The following ARL10 variants were observed in gnomAD, a reference collection of about 807,000 sequenced individuals.
ARL10 encodes the protein ADP-ribosylation factor-like protein 10.
A neutral mutation model predicts 26.1 loss-of-function variants in ARL10; 23 were observed. The ratio of observed to expected loss-of-function variants is 0.88; its 90% CI spans 0.63 to 1.25. ARL10 has a LOEUF of 1.25. Ranked by LOEUF, ARL10 falls within the 50% of genes most tolerant of loss-of-function variation. ARL10 has a pLI of 0.00. For missense variants in ARL10, 300 were observed against 323.6 expected (o/e 0.93, Z 0.56); for synonymous variants, 138 against 149.1 (o/e 0.93, Z 0.54).
At chr5:176,384,826 G>A (rs76876948), downstream of ARL10, 1,433 of 426,724 alleles carry the variant, frequency 3.4e-3, 2 homozygotes, top group Non-Finnish European at 5.2e-3. Context: ...GCTGGGGCCA[G>A]CTGAGGAGCT....
At position 176,371,844 on chromosome 5, in the gene ARL10, A is replaced by G. The variant is rs1055955518; in HGVS notation, c.684A>G (p.Glu228=). The G allele has an allele frequency of 1.2e-6, 2 of 1,614,066 alleles. No homozygotes were observed. Among genetic ancestry groups the G allele is most frequent in the African/African-American group, 2.7e-5 (2 of 74,924 alleles). ...TTGCCCCTGCAGGACCCACCTTTGA[A>G]GAGCCTGGCACCGTGCACATCTGGA... The part of the protein sequence containing the change: ...ASIAPAGPTF[E]EPGTVHIWKL... Residue 228 remains glutamate, a synonymous_variant, in exon 4 of 4, where the codon GAA becomes GAG. Coordinates refer to ENST00000310389, the MANE Select transcript of ARL10 (RefSeq NM_173664.6).
chr5:176,388,115 A>G (rs1756032341), intron 1 of ARL10: 3 of 697,702 alleles, frequency 4.3e-6, no homozygotes, highest in African/African-American at 3.6e-5. Flanking sequence ...GACTGTGGGG[A>G]GGTCGAAAAC....
chr5:176,410,907 T>C, the ARL10 span, among the ~76,000 whole-genome samples: 2 of 152,234 alleles, frequency 1.3e-5, no homozygotes, highest in African/African-American at 4.8e-5. Context: ...GACTCCTCCC[T>C]GTCCCTTTCC....
downstream of ARL10, among the ~76,000 whole-genome samples, chr5:176,382,271 C>T (rs1427731330): frequency 6.6e-6 from 1 of 152,224 alleles, no homozygotes; most frequent in Non-Finnish European, 1.5e-5. Flanking sequence ...AGTCCAGTTA[C>T]CTGGAGCTGC....
At chr5:176,367,002 CTTTTTTTTTTTT>C (rs67066126) in intron 2 of ARL10, among the ~76,000 whole-genome samples, 1 of 106,522 alleles carries the variant, frequency 9.4e-6, no homozygotes, top group Non-Finnish European at 1.8e-5. Flanking sequence ...CCTTTCTAGT[CTTTTTTTTTTTT>C]TTTTTTTTTT....
At chr5:176,411,980 T>C in the ARL10 span, among the ~76,000 whole-genome samples, 6 of 152,018 alleles carry the variant, frequency 3.9e-5, no homozygotes, top group East Asian at 5.8e-4. Context: ...ATCGAGACCA[T>C]CCTGGCTAAC....
At chr5:176,389,405 C>A, downstream of ARL10, 1 of 1,614,190 alleles carries the variant, frequency 6.2e-7, no homozygotes, top group East Asian at 2.2e-5. Flanking sequence ...GCGCTCTCAG[C>A]TCATGATGCG....
In ARL10 at chr5:176,378,058, G is replaced by A. The variant is rs147566576; in HGVS notation, c.*6163G>A. On this transcript the variant is annotated 3_prime_UTR_variant, in exon 4 of 4. Coordinates refer to ENST00000310389, the MANE Select transcript of ARL10 (RefSeq NM_173664.6). ...GTTATAGGGAAGAGCCACCGTGCCT[G>A]GCCAAGTGCAAAGCTTTTAACAATA... 1,011 of 152,378 alleles carry A rather than the reference G, an allele frequency of 6.6e-3. 9 individuals carry two copies. The highest frequency in any genetic ancestry group is 0.011 in the Non-Finnish European group (762 of 68,068). The allele number at this position is 152,378 out of a possible 1,614,324, so 9.4% of individuals were successfully genotyped here.
chr5:176,406,120 A>G (rs1354454208), downstream of ARL10: 13 of 979,024 alleles, frequency 1.3e-5, no homozygotes, highest in South Asian at 4.7e-4. Flanking sequence ...TGCCAGTGAC[A>G]GTGTCACGGG....
chr5:176,374,143 T>C lies in ARL10; in HGVS notation c.*2248T>C, dbSNP rs779157815. The C allele has an allele frequency of 1.3e-5, 2 of 152,228 alleles. No homozygotes were observed. Among genetic ancestry groups the C allele is most frequent in the Non-Finnish European group, 2.9e-5 (2 of 68,042 alleles). 9.4% of individuals were successfully genotyped at this position (152,228 alleles called of 1,614,324 possible). On this transcript the variant is annotated 3_prime_UTR_variant, in exon 4 of 4. Transcript: ENST00000310389. ...CTGTGATTGGCTAAAATTCGGCTAC[T>C]TGTTAGAAGAACATACTTTTAGGTT...
rs1440074915 is a variant in ARL10, at chr5:176,375,133, C to T, written c.*3238C>T. 1 of 142,802 alleles carries T rather than the reference C, an allele frequency of 7.0e-6. No homozygotes were observed. Among genetic ancestry groups the T allele is most frequent in the African/African-American group, 2.6e-5 (1 of 37,746 alleles). The allele number at this position is 142,802 out of a possible 1,614,324, so 8.8% of individuals were successfully genotyped here. On this transcript the variant is annotated 3_prime_UTR_variant, in exon 4 of 4. Transcript: ENST00000310389. Reference sequence around the variant, plus strand: ...CCCTCCATCCGTCCACCCGTCCACCCGTCCACCCATCCACCCACCCACCCA... The same window carrying T: ...CCCTCCATCCGTCCACCCGTCCACCTGTCCACCCATCCACCCACCCACCCA...
the ARL10 span, among the ~76,000 whole-genome samples, chr5:176,413,129 G>C: frequency 2.0e-5 from 3 of 152,138 alleles, no homozygotes; most frequent in African/African-American, 7.2e-5. Flanking sequence ...CCAAGTACCT[G>C]TTCCCACAGT....
chr5:176,405,360 C>G (rs964751153), downstream of ARL10, among the ~76,000 whole-genome samples: 2 of 151,602 alleles, frequency 1.3e-5, no homozygotes, highest in African/African-American at 2.4e-5. Flanking sequence ...CATGGTGGCC[C>G]TCCCTGTAGT....
chr5:176,375,102 A>ATCCATCCT lies in ARL10; in HGVS notation c.*3214_*3215insTTCCATCC, dbSNP rs1768647102. 6.7e-6 allele frequency: 1 copy of ATCCATCCT among 149,128 alleles called. No homozygotes were observed. The highest frequency in any genetic ancestry group is 2.0e-4 in the East Asian group (1 of 5,072). The allele number at this position is 149,128 out of a possible 1,614,324, so 9.2% of individuals were successfully genotyped here. Reference sequence around the variant, plus strand: ...CATCCATCCATCCATCCATCCATCCATCCATCCCTCCATCCGTCCACCCGT... The same window carrying ATCCATCCT: ...CATCCATCCATCCATCCATCCATCCATCCATCCTTCCATCCCTCCATCCGTCCACCCGT... On this transcript the variant is annotated 3_prime_UTR_variant, in exon 4 of 4. Coordinates refer to ENST00000310389, the MANE Select transcript of ARL10 (RefSeq NM_173664.6).
chr5:176,378,416 A>G lies in ARL10; in HGVS notation c.*6521A>G, dbSNP rs138714658. On this transcript the variant is annotated 3_prime_UTR_variant, in exon 4 of 4. Transcript: ENST00000310389. ...TCAAGATAGCTTGGAACTTATACCA[A>G]TTTGTGATGGCAACAGGATAGTAGC... 78 of 152,336 alleles carry G rather than the reference A, an allele frequency of 5.1e-4. No homozygotes were observed. The highest frequency in any genetic ancestry group is 1.7e-3 in the African/African-American group (72 of 41,574). The allele number at this position is 152,336 out of a possible 1,614,324, so 9.4% of individuals were successfully genotyped here.
chr5:176,404,768 C>T (rs886318053), downstream of ARL10, among the ~76,000 whole-genome samples: 4 of 152,208 alleles, frequency 2.6e-5, no homozygotes, highest in African/African-American at 9.6e-5. Flanking sequence ...CAGCAGGTCC[C>T]GGGCTCCGGT....
rs1380437161 is a variant in ARL10 at position 176,368,687 on chromosome 5, C to T, written c.386-120C>T. 16 of 1,117,312 alleles carry T rather than the reference C, an allele frequency of 1.4e-5. No individual in the cohort carries two copies. The highest frequency in any genetic ancestry group is 2.8e-5 in the African/African-American group (1 of 35,630). 69.2% of individuals were successfully genotyped at this position (1,117,312 alleles called of 1,614,324 possible). On this transcript the variant is annotated intron_variant, in intron 2 of 3. Transcript: ENST00000310389. This position sits in a 1 kb window ranked among gnomAD's most constrained non-coding sequence, Gnocchi z 4.1. Reference sequence around the variant, plus strand: ...TGGGGTGGGGGCTGTGGGCAGTGAGCGGGGGCCCGGGGTGGGGTGGGGGCT... The same window carrying T: ...TGGGGTGGGGGCTGTGGGCAGTGAGTGGGGGCCCGGGGTGGGGTGGGGGCT...
rs147227904 is a variant in ARL10, at chr5:176,368,208, G to T, written c.386-599G>T. Among the ~76,000 whole-genome samples the T allele has an allele frequency of 2.6e-3, 390 of 152,260 alleles. 2 individuals carry two copies. Among genetic ancestry groups the T allele is most frequent in the African/African-American group, 8.9e-3 (369 of 41,532 alleles). On this transcript the variant is annotated intron_variant, in intron 2 of 3. Coordinates refer to ENST00000310389, the MANE Select transcript of ARL10 (RefSeq NM_173664.6). The surrounding 1 kb of genome is among the most constrained non-coding windows in gnomAD (Gnocchi z 4.1). The stretch of plus-strand genomic sequence containing the variant: ...TGTGTTGGCAACCATGTGTTCATAG[G>T]ATGAAATATGACATTTCCAAGGGAA...
At chr5:176,395,725 C>T (rs1205771396) in intron 1 of ARL10, among the ~76,000 whole-genome samples, 2 of 152,140 alleles carry the variant, frequency 1.3e-5, no homozygotes, top group Non-Finnish European at 2.9e-5. Flanking sequence ...TGGGCAGGGG[C>T]TGATGGCCAA....
Sources: gnomAD v4.1 joint callset for allele counts (sites outside exome capture counted in the v4.1 genomes callset) on GRCh38, gnomAD v4.1.1 for gene constraint, Gnocchi (gnomAD v3.1) non-coding constraint, MANE v1.5 for transcripts, NCBI Gene and HGNC (gene_info 2026-07-23, HGNC 2026-07-21) for gene names.